Variants in LRRC61 observed in about 807,000 individuals in gnomAD.
LRRC61 encodes the protein leucine-rich repeat-containing protein 61.
LRRC61 carries 9 observed loss-of-function variants against 15.1 expected under a neutral mutation model. The observed-to-expected ratio is 0.60, with a 90% CI of 0.36 to 1.04. The LOEUF is 1.04. Ranked by LOEUF, LRRC61 falls within the 50% of genes least tolerant of loss-of-function variation. LRRC61 has a pLI of 0.01. For missense variants in LRRC61, 344 were observed against 335.6 expected (o/e 1.03, Z -0.20); for synonymous variants, 173 against 158.6 (o/e 1.09, Z -0.68).
intron 2 of LRRC61, among the ~76,000 whole-genome samples, chr7:150,327,227 GA>G (rs2129618156): frequency 6.6e-6 from 1 of 152,040 alleles, no homozygotes; most frequent in Admixed American, 6.5e-5. Context: ...GAAGGGAAGT[GA>G]AAAGGGTCAG....
At chr7:150,329,366 T>C (rs894564240) in intron 2 of LRRC61, among the ~76,000 whole-genome samples, 2 of 152,224 alleles carry the variant, frequency 1.3e-5, no homozygotes, top group African/African-American at 4.8e-5. Flanking sequence ...CAGCTAGTGC[T>C]GTGGGCACCC....
In LRRC61 at chr7:150,337,681, G is replaced by A. The variant is rs529699133; in HGVS notation, c.*40G>A. 12 of 1,509,776 alleles carry A rather than the reference G, an allele frequency of 7.9e-6. No individual in the cohort carries two copies. Among genetic ancestry groups the A allele is most frequent in the African/African-American group, 7.0e-5 (5 of 71,592 alleles). 93.5% of individuals were successfully genotyped at this position (1,509,776 alleles called of 1,614,324 possible). ...CCAGGACAGCCTGGCAGGTGGCCTC[G>A]CTGCCCCCAGTTCCCCTCTCTGCCC... On this transcript the variant is annotated 3_prime_UTR_variant, in exon 3 of 3. Coordinates refer to ENST00000359623, the MANE Select transcript of LRRC61 (RefSeq NM_001142928.2).
intron 2 of LRRC61, among the ~76,000 whole-genome samples, chr7:150,329,586 C>G (rs1271426754): frequency 6.6e-6 from 1 of 152,238 alleles, no homozygotes; most frequent in Non-Finnish European, 1.5e-5. Context: ...TGAGTAAAGC[C>G]TGGCCTGCCC....
chr7:150,312,794 T>C, the LRRC61 span, among the ~76,000 whole-genome samples: 49 of 152,324 alleles, frequency 3.2e-4, no homozygotes, highest in East Asian at 9.2e-3. Flanking sequence ...TAACTTTATA[T>C]TTTATAAATA....
chr7:150,324,695 G>A (rs770734769), intron 1 of LRRC61, among the ~76,000 whole-genome samples: 163 of 151,890 alleles, frequency 1.1e-3, no homozygotes, highest in Non-Finnish European at 2.0e-3. Context: ...CCCTTCCACC[G>A]CCTGTGCCCT....
chr7:150,330,973 A>T lies in LRRC61; in HGVS notation c.-145+4963A>T, dbSNP rs199717286. 6.2e-7 allele frequency: 1 copy of T among 1,612,130 alleles called. No individual in the cohort carries two copies. ...GGGGGCTCGCTGTCCACCAAGAGCC[A>T]CTGGGCCAGCATCATTGTCAAGAAG... is the stretch of plus-strand genomic sequence containing the variant. On this transcript the variant is annotated intron_variant, in intron 2 of 2. Transcript: ENST00000359623. This position sits in a 1 kb window ranked among gnomAD's most constrained non-coding sequence, Gnocchi z 4.6.
the LRRC61 span, among the ~76,000 whole-genome samples, chr7:150,309,914 C>G: frequency 6.6e-6 from 1 of 152,106 alleles, no homozygotes; most frequent in African/African-American, 2.4e-5. Context: ...AGTCCGTCCC[C>G]TTTTTAATTG....
At chr7:150,322,240 C>T (rs535282328), upstream of LRRC61, among the ~76,000 whole-genome samples, 5 of 152,282 alleles carry the variant, frequency 3.3e-5, no homozygotes, top group East Asian at 7.7e-4. Context: ...CAGAATTACT[C>T]CATCTTGAAT....
At chr7:150,320,162 G>A (rs772017312), upstream of LRRC61, among the ~76,000 whole-genome samples, 2 of 152,260 alleles carry the variant, frequency 1.3e-5, no homozygotes, top group Non-Finnish European at 2.9e-5. Context: ...CCAAGGGCAG[G>A]TTCTTGGATC....
At chr7:150,319,481 A>G (rs1047108795), upstream of LRRC61, among the ~76,000 whole-genome samples, 6 of 152,176 alleles carry the variant, frequency 3.9e-5, no homozygotes, top group African/African-American at 1.4e-4. Flanking sequence ...TGCTGGGATT[A>G]TAGGCATGAG....
At chr7:150,319,778 T>C (rs932806386), upstream of LRRC61, among the ~76,000 whole-genome samples, 3 of 152,200 alleles carry the variant, frequency 2.0e-5, no homozygotes, top group African/African-American at 4.8e-5. Flanking sequence ...TAGCAGCTAA[T>C]GTAGCTACTT....
the LRRC61 span, among the ~76,000 whole-genome samples, chr7:150,313,829 T>G: frequency 6.6e-6 from 1 of 152,220 alleles, no homozygotes; most frequent in Non-Finnish European, 1.5e-5. Context: ...CTGAGCCTTC[T>G]TGGCAGCTAC....
At chr7:150,312,181 T>C in the LRRC61 span, among the ~76,000 whole-genome samples, 2 of 152,180 alleles carry the variant, frequency 1.3e-5, no homozygotes, top group South Asian at 4.1e-4. Context: ...TATTTTTCTT[T>C]CTCCTCTATG....
At position 150,330,282 on chromosome 7, in the gene LRRC61, G is replaced by A; in HGVS notation, c.-145+4272G>A. ...CTACCACCTGCTGGAGTGGCTGGTG[G>A]AGCAGCAGCAGCCCCTTCAAGAGTA... On this transcript the variant is annotated intron_variant, in intron 2 of 2. Coordinates refer to ENST00000359623, the MANE Select transcript of LRRC61 (RefSeq NM_001142928.2). This position sits in a 1 kb window ranked among gnomAD's most constrained non-coding sequence, Gnocchi z 4.6. 1 of 648,110 alleles carries A rather than the reference G, an allele frequency of 1.5e-6. No individual in the cohort carries two copies. Among genetic ancestry groups the A allele is most frequent in the Middle Eastern group, 4.2e-4 (1 of 2,364 alleles). The allele number at this position is 648,110 out of a possible 1,614,324, so 40.1% of individuals were successfully genotyped here. A position where few individuals can be genotyped will look rare whatever the true frequency, so the allele number is the denominator to read the frequency against.
upstream of LRRC61, among the ~76,000 whole-genome samples, chr7:150,319,718 A>G (rs183158693): frequency 2.6e-4 from 39 of 152,294 alleles, no homozygotes; most frequent in Non-Finnish European, 4.6e-4. Flanking sequence ...GCATTTTAAA[A>G]CACTGTTGGG....
chr7:150,334,533 TG>T (rs1364944406), intron 2 of LRRC61, among the ~76,000 whole-genome samples: 1 of 152,184 alleles, frequency 6.6e-6, no homozygotes, highest in Non-Finnish European at 1.5e-5. Flanking sequence ...ATCCCCAGCA[TG>T]GTTGGCCCCA....
In LRRC61 at chr7:150,335,308, C is replaced by T. The variant is rs534300129; in HGVS notation, c.-144-1410C>T. Among the ~76,000 whole-genome samples, 8 of 152,332 alleles carry T rather than the reference C, an allele frequency of 5.3e-5. No individual in the cohort carries two copies. The highest frequency in any genetic ancestry group is 1.9e-4 in the East Asian group (1 of 5,186). ...ATTCCATTCCCACTGAGGGAATCCA[C>T]ACTTCTTGGCAGATGCTTCCAGTCT... On this transcript the variant is annotated intron_variant, in intron 2 of 2. Transcript: ENST00000359623. This position sits in a 1 kb window ranked among gnomAD's most constrained non-coding sequence, Gnocchi z 4.3.
In LRRC61 at chr7:150,336,386, A is replaced by AGG. The variant is rs1554476853; in HGVS notation, c.-144-332_-144-331insGG. ...CGGTTTAAAAAACACCCCAAAACTA[A>AGG]TAGGGATGGATCGTGAGTGGTTACG... On this transcript the variant is annotated intron_variant, in intron 2 of 2. Transcript: ENST00000359623. Among the ~76,000 whole-genome samples, 5 of 152,224 alleles carry AGG rather than the reference A, an allele frequency of 3.3e-5. No individual in the cohort carries two copies. In the East Asian group the frequency reaches 9.6e-4, roughly 29 times the overall value.
chr7:150,336,182 T>C (rs879611852), intron 2 of LRRC61, among the ~76,000 whole-genome samples: 4 of 152,228 alleles, frequency 2.6e-5, no homozygotes, highest in Non-Finnish European at 5.9e-5. Context: ...AGGTACCAGC[T>C]GACCCATATA....
Sources: gnomAD v4.1 joint callset for allele counts (sites outside exome capture counted in the v4.1 genomes callset) on GRCh38, gnomAD v4.1.1 for gene constraint, Gnocchi (gnomAD v3.1) non-coding constraint, MANE v1.5 for transcripts, NCBI Gene and HGNC (gene_info 2026-07-23, HGNC 2026-07-21) for gene names.